Variants in PUM2 observed in about 807,000 individuals in gnomAD.
The protein encoded by PUM2 is pumilio homolog 2.
A neutral mutation model predicts 124.5 loss-of-function variants in PUM2; 57 were observed. The observed-to-expected ratio is 0.46, with a 90% CI of 0.37 to 0.57. The LOEUF (loss-of-function observed/expected upper bound fraction) is 0.57, where lower values mean the gene tolerates loss of function less well. Among genes scored for constraint, PUM2 ranks in the 20% least tolerant of loss-of-function variants. The pLI, the probability that PUM2 is intolerant of heterozygous loss-of-function variation, is 0.00. For missense variants in PUM2, 1,065 were observed against 1,290.6 expected (o/e 0.83, Z 2.68); for synonymous variants, 460 against 446.1 (o/e 1.03, Z -0.39).
At chr2:20,267,998 A>C (rs1356499586) in intron 13 of PUM2, among the ~76,000 whole-genome samples, 4 of 152,210 alleles carry the variant, frequency 2.6e-5, no homozygotes, top group Non-Finnish European at 5.9e-5. Flanking sequence ...GAATCTGTGG[A>C]GATAAAGCAG....
intron 1 of PUM2, among the ~76,000 whole-genome samples, chr2:20,343,633 G>A (rs532254323): frequency 6.6e-6 from 1 of 152,214 alleles, no homozygotes; most frequent in East Asian, 1.9e-4. Flanking sequence ...TGGGCATGGT[G>A]GCTTGGACCT....
chr2:20,337,028 T>C (rs1686266653), intron 1 of PUM2, among the ~76,000 whole-genome samples: 1 of 152,142 alleles, frequency 6.6e-6, no homozygotes, highest in Non-Finnish European at 1.5e-5. Context: ...CCACCACATA[T>C]GAAGAACTGC....
intron 1 of PUM2, among the ~76,000 whole-genome samples, chr2:20,339,672 G>C (rs1453918948): frequency 6.6e-6 from 1 of 152,196 alleles, no homozygotes; most frequent in African/African-American, 2.4e-5. Flanking sequence ...CTGAGGTCAG[G>C]AGTTCAAGAC....
chr2:20,290,834 A>G (rs764396590), intron 9 of PUM2, 44 bp from the exon 10 acceptor site: 2 of 1,419,944 alleles, frequency 1.4e-6, no homozygotes, highest in Non-Finnish European at 1.9e-6. Context: ...ATAAAATAAT[A>G]GATAAGTAAA....
chr2:20,274,495 T>G (rs917903), intron 13 of PUM2, among the ~76,000 whole-genome samples: 2,211 of 152,216 alleles, frequency 0.015, 67 homozygotes, highest in African/African-American at 0.049. Flanking sequence ...TTGCCTATTA[T>G]TAAAATTTTC....
intron 1 of PUM2, among the ~76,000 whole-genome samples, chr2:20,335,719 G>A (rs1685856760): frequency 6.6e-6 from 1 of 152,196 alleles, no homozygotes; most frequent in Non-Finnish European, 1.5e-5. Flanking sequence ...AAAGTTTTAT[G>A]TTTTGAATGA....
rs774713746 is a variant in PUM2 at position 20,278,721 on chromosome 2, G to A, written c.1819C>T (p.Gln607Ter). 6.2e-7 allele frequency: 1 copy of A among 1,613,530 alleles called. No individual in the cohort carries two copies. Residue 607 changes from glutamine (Q) to a stop codon, truncating the protein, a stop_gained, in exon 13 of 21, where the codon CAA becomes TAA. Coordinates refer to ENST00000361078, the MANE Select transcript of PUM2 (RefSeq NM_015317.5). LOFTEE classifies it high-confidence loss of function. ...RSSSSLAPIG[Q>*]PFYNSLGFSS... is the part of the protein sequence containing the mutation. ...AATCCCAGACTATTGTAAAATGGTT[G>A]CCCTATGGGTGCTAGGCTGCTACTA...
At chr2:20,313,745 A>G (rs1326258556) in intron 3 of PUM2, among the ~76,000 whole-genome samples, 1 of 147,812 alleles carries the variant, frequency 6.8e-6, no homozygotes, top group Non-Finnish European at 1.5e-5. Flanking sequence ...CTGAGGGGGG[A>G]AGATTACTTG....
chr2:20,318,424 A>G (rs983905427), intron 3 of PUM2, 113 bp downstream of exon 3: 1 of 886,156 alleles, frequency 1.1e-6, no homozygotes. Flanking sequence ...CAATAGCGCA[A>G]AACTATACAA....
At chr2:20,338,266 G>A (rs781512477) in intron 1 of PUM2, among the ~76,000 whole-genome samples, 4 of 152,224 alleles carry the variant, frequency 2.6e-5, no homozygotes, top group African/African-American at 7.2e-5. Context: ...GTATGGCAGC[G>A]TGTGCCTGTA....
In PUM2 at chr2:20,327,345, G is replaced by A; in HGVS notation, c.16C>T (p.Gln6Ter). 1 of 1,583,666 alleles carries A rather than the reference G, an allele frequency of 6.3e-7. No homozygotes were observed. Among genetic ancestry groups the A allele is most frequent in the Non-Finnish European group, 8.7e-7 (1 of 1,154,266 alleles). The change falls in exon 2 of 21, where the codon CAA becomes TAA. Residue 6 changes from glutamine to a stop codon, truncating the protein, a stop_gained. Transcript: ENST00000361078. LOFTEE classifies it high-confidence loss of function. ...CCCCGAGATTCTAATGCAAGAGCTT[G>A]AAAATCATGATTCATTTCATCCACA... is the stretch of plus-strand genomic sequence containing the variant. MNHDF[Q>*]ALALESRGMG... is the part of the protein sequence containing the mutation.
chr2:20,317,068 G>T (rs923829939), intron 3 of PUM2, among the ~76,000 whole-genome samples: 5 of 151,926 alleles, frequency 3.3e-5, no homozygotes, highest in African/African-American at 1.2e-4. Context: ...GTGATGGTGT[G>T]AGCCTGTAGT....
chr2:20,254,380 C>T (rs766782995), intron 19 of PUM2, among the ~76,000 whole-genome samples: 1 of 152,114 alleles, frequency 6.6e-6, no homozygotes, highest in Non-Finnish European at 1.5e-5. Flanking sequence ...ATCTCGAATT[C>T]CTGGGCTCGA....
intron 16 of PUM2, 43 bp downstream of exon 16, chr2:20,258,200 T>C (rs371123214): frequency 1.0e-4 from 154 of 1,480,274 alleles, no homozygotes; most frequent in Non-Finnish European, 1.2e-4. Context: ...AATTTAAAAA[T>C]TGAATAAAAT....
chr2:20,256,830 G>C (rs775272444), intron 16 of PUM2, among the ~76,000 whole-genome samples: 2 of 152,032 alleles, frequency 1.3e-5, no homozygotes, highest in Non-Finnish European at 2.9e-5. Context: ...TGGATCACCT[G>C]AGCTCAGGAG....
At chr2:20,262,117 A>C (rs1376197038) in intron 14 of PUM2, among the ~76,000 whole-genome samples, 2 of 152,192 alleles carry the variant, frequency 1.3e-5, no homozygotes, top group Non-Finnish European at 2.9e-5. Flanking sequence ...AGTTACATTA[A>C]GGTTAATTTA....
chr2:20,320,474 G>A (rs1349870919), intron 2 of PUM2, among the ~76,000 whole-genome samples: 1 of 151,940 alleles, frequency 6.6e-6, no homozygotes, highest in Non-Finnish European at 1.5e-5. Flanking sequence ...GCTTTAAAGG[G>A]AAGAGAAGAA....
At position 20,317,939 on chromosome 2, in the gene PUM2, T is replaced by C. The variant is rs148793997; in HGVS notation, c.160+598A>G. 2.6e-5 allele frequency among the ~76,000 whole-genome samples: 4 copies of C among 152,330 alleles called. No individual in the cohort carries two copies. In the East Asian group the frequency reaches 5.8e-4, roughly 22 times the overall value. On this transcript the variant is annotated intron_variant, in intron 3 of 20. Transcript: ENST00000361078. ...CACATTTTCTTTATCCACCCTAGTATTGATGGGCATTTAGGTTTTTCCATG... is the reference window on the plus strand; with the variant it reads ...CACATTTTCTTTATCCACCCTAGTACTGATGGGCATTTAGGTTTTTCCATG...
intron 9 of PUM2, 118 bp from the exon 10 acceptor site, chr2:20,290,908 G>A: frequency 2.6e-6 from 2 of 782,712 alleles, no homozygotes; most frequent in South Asian, 5.9e-5. Flanking sequence ...ACATTTACAT[G>A]CAAGGAAATG....
Sources: gnomAD v4.1 joint callset for allele counts (sites outside exome capture counted in the v4.1 genomes callset) on GRCh38, gnomAD v4.1.1 for gene constraint, MANE v1.5 for transcripts, NCBI Gene and HGNC (gene_info 2026-07-23, HGNC 2026-07-21) for gene names.